GNPDA2: variants seen among roughly 807,000 people sequenced by gnomAD.
GNPDA2 encodes glcN6P deaminase 2.
In GNPDA2, 24 loss-of-function variants were observed where a neutral mutation model predicts 27.0. That is an observed-to-expected ratio of 0.89 (90% CI 0.64 to 1.25). The LOEUF is 1.25. Among genes scored for constraint, GNPDA2 ranks in the 50% most tolerant of loss-of-function variants. GNPDA2 has a pLI of 0.00. For synonymous variants in GNPDA2, 94 were observed against 108.4 expected, an observed-to-expected ratio of 0.87 and a Z score of 0.83; for missense variants, 286 against 335.1, an observed-to-expected ratio of 0.85 and a Z score of 1.14.
chr4:44,707,912 T>C lies in GNPDA2; in HGVS notation c.609A>G (p.Ile203Met). Residue 203 changes from isoleucine (I) to methionine (M), a missense_variant, in exon 6 of 7, where the codon ATA (isoleucine) becomes ATG (methionine). By Grantham distance (10) the Ile-to-Met change is conservative. Transcript: ENST00000295448. Reference sequence around the variant, plus strand: ...GGGCAAATGCCTTGTGTGCCCCTGTTATAAGGATCATTACCTGAAAAATTA... The same window carrying C: ...GGGCAAATGCCTTGTGTGCCCCTGTCATAAGGATCATTACCTGAAAAATTA... ...VMDAREVMILITGAHKAFALY... is the reference protein window; with the variant it reads ...VMDAREVMILMTGAHKAFALY... 6.3e-7 allele frequency: 1 copy of C among 1,597,150 alleles called. No individual in the cohort carries two copies. Among genetic ancestry groups the C allele is most frequent in the East Asian group, 2.2e-5 (1 of 44,522 alleles).
chr4:44,725,926 A>AG (rs1390922774), intron 1 of GNPDA2, among the ~76,000 whole-genome samples: 1 of 152,174 alleles, frequency 6.6e-6, no homozygotes, highest in African/African-American at 2.4e-5. Context: ...GAAGTTACAC[A>AG]GCTAGTTAAT....
Position 44,722,181 on chromosome 4 carries a change from A to T in GNPDA2, c.27T>A (p.Tyr9Ter). Residue 9 changes from tyrosine (Y) to a stop codon, truncating the protein, a stop_gained, in exon 2 of 7, where the codon TAT becomes TAA. Coordinates refer to ENST00000295448, the MANE Select transcript of GNPDA2 (RefSeq NM_138335.3). LOFTEE classifies it high-confidence loss of function. ...TGGCTGCCCATTCACTAGCCAAGTC[A>T]TAGTTATCAAGAATTACAAGCCTCA... is the stretch of plus-strand genomic sequence containing the variant. The part of the protein sequence containing the change: MRLVILDN[Y>*]DLASEWAAKY... 6.2e-7 allele frequency: 1 copy of T among 1,613,220 alleles called. No individual in the cohort carries two copies. The highest frequency in any genetic ancestry group is 8.5e-7 in the Non-Finnish European group (1 of 1,179,254).
At chr4:44,722,593 A>G (rs532400195) in intron 1 of GNPDA2, among the ~76,000 whole-genome samples, 11 of 152,136 alleles carry the variant, frequency 7.2e-5, no homozygotes, top group Non-Finnish European at 1.2e-4. Flanking sequence ...TTTTTTTGTC[A>G]TTATTCCCTA....
Position 44,710,970 on chromosome 4 carries a change from C to G in GNPDA2, c.577G>C (p.Val193Leu). The G allele has an allele frequency of 1.9e-6, 3 of 1,605,266 alleles. No individual in the cohort carries two copies. Among genetic ancestry groups the G allele is most frequent in the Non-Finnish European group, 2.5e-6 (3 of 1,176,804 alleles). ...ATGCTTACTTCTCTAGCATCCATCA[C>G]TGTCCCCACACCAACAGTTAGAGCC... ...TMALTVGVGT[V>L]MDAREVMILI... is the part of the protein sequence containing the mutation. Residue 193 changes from valine (V) to leucine (L), a missense_variant, in exon 5 of 7, where the codon GTG (valine) becomes CTG (leucine). Coordinates refer to ENST00000295448, the MANE Select transcript of GNPDA2 (RefSeq NM_138335.3).
In GNPDA2 at chr4:44,707,821, G is replaced by A. The variant is rs757201796; in HGVS notation, c.700C>T (p.Arg234Trp). 11 of 1,613,154 alleles carry A rather than the reference G, an allele frequency of 6.8e-6. No individual in the cohort carries two copies. The highest frequency in any genetic ancestry group is 7.6e-6 in the Non-Finnish European group (9 of 1,179,538). ...TCTTCATCGCATACAAAAATAGTCC[G>A]GGGATGCTGCTGGAAAGCGGAAACA... Reference protein sequence around the residue: ...WTVSAFQQHPRTIFVCDEDAT... With the variant: ...WTVSAFQQHPWTIFVCDEDAT... The change falls in exon 6 of 7, where the codon CGG becomes TGG. Residue 234 changes from arginine (R) to tryptophan (W), a missense_variant. Coordinates refer to ENST00000295448, the MANE Select transcript of GNPDA2 (RefSeq NM_138335.3).
chr4:44,705,352 A>G (rs1367941922), intron 6 of GNPDA2: 1 of 985,042 alleles, frequency 1.0e-6, no homozygotes, highest in Admixed American at 6.2e-5. Context: ...TGTAGCCCAG[A>G]ATGTCTAAAT....
chr4:44,723,067 C>A (rs1717779558), intron 1 of GNPDA2, among the ~76,000 whole-genome samples: 1 of 151,944 alleles, frequency 6.6e-6, no homozygotes, highest in East Asian at 1.9e-4. Context: ...ATTTTAGTTC[C>A]TCAAAAATTA....
intron 6 of GNPDA2, chr4:44,704,069 A>AT (rs1203651298): frequency 6.1e-6 from 6 of 985,108 alleles, no homozygotes; most frequent in Admixed American, 1.2e-4. Flanking sequence ...GAAAGGCTGC[A>AT]AAAAGGACTC....
intron 2 of GNPDA2, among the ~76,000 whole-genome samples, chr4:44,719,514 A>C (rs1320687595): frequency 1.3e-5 from 2 of 152,066 alleles, no homozygotes; most frequent in Non-Finnish European, 2.9e-5. Flanking sequence ...TGTTGTTTTC[A>C]ATTACAATTA....
At chr4:44,709,365 TATATC>T (rs1364136218) in intron 5 of GNPDA2, among the ~76,000 whole-genome samples, 7 of 152,152 alleles carry the variant, frequency 4.6e-5, no homozygotes, top group Non-Finnish European at 7.4e-5. Flanking sequence ...TGTGATTAGT[TATATC>T]ATACCTGTTC....
At chr4:44,708,395 G>C (rs573738302) in intron 5 of GNPDA2, among the ~76,000 whole-genome samples, 4 of 152,164 alleles carry the variant, frequency 2.6e-5, no homozygotes, top group African/African-American at 9.6e-5. Context: ...ATCAAGAAAA[G>C]CCTGAAGAGC....
rs115537327 is a variant in GNPDA2, at chr4:44,720,117, C to G, written c.125-1707G>C. ...ACACTTTCAACAAAGAGGAAACTAACTCAGAGCAGAGAAAAGATGGAGCGG... is the reference window on the plus strand; with the variant it reads ...ACACTTTCAACAAAGAGGAAACTAAGTCAGAGCAGAGAAAAGATGGAGCGG... On this transcript the variant is annotated intron_variant, in intron 2 of 6. Transcript: ENST00000295448. Among the ~76,000 whole-genome samples the G allele has an allele frequency of 1.3e-3, 204 of 152,204 alleles. 1 individual carries two copies. Among genetic ancestry groups the G allele is most frequent in the African/African-American group, 4.4e-3 (182 of 41,556 alleles).
Position 44,711,068 on chromosome 4 carries a change from T to C in GNPDA2, c.479A>G (p.Lys160Arg). The C allele has an allele frequency of 1.9e-6, 3 of 1,613,060 alleles. No homozygotes were observed. The highest frequency in any genetic ancestry group is 1.7e-6 in the Non-Finnish European group (2 of 1,179,510). The change falls in exon 5 of 7, where the codon AAG becomes AGG. Residue 160 changes from lysine (K) to arginine (R), a missense_variant. Lys to Arg is a conservative substitution (Grantham distance 26). Transcript: ENST00000295448. ...CAAGATGGTATCCATTGCTAGAGTC[T>C]TTAATCTTGTCCTTGACACTAAACT... ...GSSLVSRTRL[K>R]TLAMDTILAN...
chr4:44,704,732 GAAGA>G lies in GNPDA2; in HGVS notation c.770-1594_770-1591del, dbSNP rs1398829266. The G allele has an allele frequency of 2.5e-5, 25 of 984,412 alleles. No homozygotes were observed. In the South Asian group the frequency reaches 9.4e-4, roughly 37 times the overall value. 61.0% of individuals were successfully genotyped at this position (984,412 alleles called of 1,614,324 possible). A position where few individuals can be genotyped will look rare whatever the true frequency, so the allele number is the denominator to read the frequency against. ...CACCAGACTTCCTGAAACGTTACCA[GAAGA>G]AAGGTTAAATGTCACAGATTCTAAC... On this transcript the variant is annotated intron_variant, in intron 6 of 6. Transcript: ENST00000295448.
intron 2 of GNPDA2, among the ~76,000 whole-genome samples, chr4:44,719,352 T>C (rs192760863): frequency 2.0e-5 from 3 of 151,984 alleles, no homozygotes; most frequent in Admixed American, 6.6e-5. Flanking sequence ...AGAAATCTGA[T>C]AAAACTAAAC....
chr4:44,705,115 A>C, intron 6 of GNPDA2: 1 of 985,124 alleles, frequency 1.0e-6, no homozygotes, highest in Non-Finnish European at 1.2e-6. Context: ...AAACCCTTTA[A>C]GATTCTGGTC....
intron 6 of GNPDA2, chr4:44,704,907 C>G (rs990498741): frequency 6.1e-5 from 60 of 983,320 alleles, no homozygotes; most frequent in Non-Finnish European, 7.0e-5. Context: ...CAAAGCTGTT[C>G]TATTTAAAAA....
chr4:44,725,487 C>A (rs545108246), intron 1 of GNPDA2, among the ~76,000 whole-genome samples: 1 of 152,324 alleles, frequency 6.6e-6, no homozygotes, highest in South Asian at 2.1e-4. Context: ...CAAATTATCA[C>A]AGGGGATATT....
intron 2 of GNPDA2, among the ~76,000 whole-genome samples, chr4:44,720,800 C>A (rs1717615908): frequency 6.6e-6 from 1 of 151,926 alleles, no homozygotes; most frequent in Non-Finnish European, 1.5e-5. Flanking sequence ...GTTATACTAC[C>A]CAAAATAAAG....
Sources: gnomAD v4.1 joint callset for allele counts (sites outside exome capture counted in the v4.1 genomes callset) on GRCh38, gnomAD v4.1.1 for gene constraint, MANE v1.5 for transcripts, NCBI Gene and HGNC (gene_info 2026-07-23, HGNC 2026-07-21) for gene names.